Variants in HAO1 observed in about 807,000 individuals in gnomAD.
HAO1 encodes the protein hydroxyacid oxidase 1.
A neutral mutation model predicts 39.7 loss-of-function variants in HAO1; 34 were observed. The ratio of observed to expected loss-of-function variants is 0.86; its 90% CI spans 0.65 to 1.14. The LOEUF is 1.14. Ranked by LOEUF, HAO1 falls within the 50% of genes most tolerant of loss-of-function variation. HAO1 has a pLI of 0.00. For synonymous variants in HAO1, 172 were observed against 173.2 expected (o/e 0.99, Z 0.05); for missense variants, 479 against 464.5 (o/e 1.03, Z -0.29).
chr20:7,912,848 C>G (rs6117998), intron 3 of HAO1, among the ~76,000 whole-genome samples: 1 of 152,134 alleles, frequency 6.6e-6, no homozygotes, highest in African/African-American at 2.4e-5. Context: ...AAATGATATC[C>G]TAAACCAGCC....
At chr20:7,904,817 G>T (rs1328287046) in intron 4 of HAO1, among the ~76,000 whole-genome samples, 1 of 152,158 alleles carries the variant, frequency 6.6e-6, no homozygotes, top group Non-Finnish European at 1.5e-5. Flanking sequence ...TAAATGAATG[G>T]CACAGAACCT....
intron 4 of HAO1, among the ~76,000 whole-genome samples, chr20:7,899,831 T>TC (rs1434311339): frequency 6.6e-6 from 1 of 152,210 alleles, no homozygotes; most frequent in African/African-American, 2.4e-5. Context: ...TTTTATTAAT[T>TC]CTTAGAGTTT....
intron 2 of HAO1, among the ~76,000 whole-genome samples, chr20:7,932,369 C>A (rs1388707438): frequency 6.6e-6 from 1 of 152,198 alleles, no homozygotes; most frequent in Admixed American, 6.5e-5. Context: ...GTGAGCTCTG[C>A]TTTTTGCTTT....
Position 7,885,701 on chromosome 20 carries a change from G to T in HAO1, c.972+5C>A. 1 of 1,609,490 alleles carries T rather than the reference G, an allele frequency of 6.2e-7. No homozygotes were observed. The highest frequency in any genetic ancestry group is 8.5e-7 in the Non-Finnish European group (1 of 1,176,706). On this transcript the variant is annotated splice_donor_5th_base_variant and intron_variant, in intron 6 of 7. Coordinates refer to ENST00000378789, the MANE Select transcript of HAO1 (RefSeq NM_017545.3). The stretch of plus-strand genomic sequence containing the variant: ...TTTTATATATTCATTTCTTTGTCCA[G>T]TTACCTGGAAAGCTAAGCCCCAAAC...
intron 4 of HAO1, among the ~76,000 whole-genome samples, chr20:7,903,124 G>A (rs775790786): frequency 3.9e-5 from 6 of 152,292 alleles, no homozygotes; most frequent in South Asian, 4.1e-4. Context: ...GCTCCCTTCC[G>A]ATCCAGATTG....
At chr20:7,909,048 C>A (rs1187024903) in intron 3 of HAO1, among the ~76,000 whole-genome samples, 1 of 152,000 alleles carries the variant, frequency 6.6e-6, no homozygotes, top group African/African-American at 2.4e-5. Flanking sequence ...ACCCCCATCC[C>A]AAACAAGCTC....
chr20:7,924,792 G>T (rs1285097175), intron 2 of HAO1, among the ~76,000 whole-genome samples: 1 of 152,152 alleles, frequency 6.6e-6, no homozygotes, highest in East Asian at 1.9e-4. Context: ...AGGGCCTAAA[G>T]TGTTGGGGTT....
In HAO1 at chr20:7,925,181, G is replaced by A. The variant is rs533369964; in HGVS notation, c.289+9303C>T. Among the ~76,000 whole-genome samples, 94 of 152,242 alleles carry A rather than the reference G, an allele frequency of 6.2e-4. 1 individual carries two copies. The highest frequency in any genetic ancestry group is 2.1e-3 in the African/African-American group (87 of 41,570). On this transcript the variant is annotated intron_variant, in intron 2 of 7. Coordinates refer to ENST00000378789, the MANE Select transcript of HAO1 (RefSeq NM_017545.3). Reference sequence around the variant, plus strand: ...AAGTTCTGAAGTCAGTGATCTAAAAGAACAAACCTTCAACTACAATTATGC... The same window carrying A: ...AAGTTCTGAAGTCAGTGATCTAAAAAAACAAACCTTCAACTACAATTATGC...
intron 3 of HAO1, among the ~76,000 whole-genome samples, chr20:7,907,154 TC>T (rs1179494819): frequency 6.6e-6 from 1 of 152,040 alleles, no homozygotes; most frequent in Non-Finnish European, 1.5e-5. Flanking sequence ...TGCCTTTCCC[TC>T]CCCCTTTTAG....
intron 4 of HAO1, among the ~76,000 whole-genome samples, chr20:7,904,844 T>C (rs1038127317): frequency 2.0e-5 from 3 of 152,210 alleles, no homozygotes; most frequent in African/African-American, 7.2e-5. Context: ...TAATATTATT[T>C]AGTCCCCACA....
intron 5 of HAO1, among the ~76,000 whole-genome samples, chr20:7,894,717 G>T (rs1236010457): frequency 6.6e-6 from 1 of 152,082 alleles, no homozygotes. Flanking sequence ...CTGATTTCTT[G>T]TCTCAATTGT....
intron 1 of HAO1, among the ~76,000 whole-genome samples, chr20:7,938,875 G>C (rs1227931692): frequency 6.6e-6 from 1 of 152,010 alleles, no homozygotes; most frequent in East Asian, 1.9e-4. Context: ...TGCGACAAAG[G>C]GAATTAAGAA....
chr20:7,883,049 T>C lies in HAO1; in HGVS notation c.*544A>G, dbSNP rs2050134347. ...ATACATCCTAAAACATTTGGATATA[T>C]TCAGACACTAAAGATGTGATTGGAA... On this transcript the variant is annotated 3_prime_UTR_variant, in exon 8 of 8. Coordinates refer to ENST00000378789, the MANE Select transcript of HAO1 (RefSeq NM_017545.3). 1 of 155,062 alleles carries C rather than the reference T, an allele frequency of 6.4e-6. No homozygotes were observed. Among genetic ancestry groups the C allele is most frequent in the South Asian group, 2.0e-4 (1 of 5,058 alleles). 9.6% of individuals were successfully genotyped at this position (155,062 alleles called of 1,614,324 possible). A position where few individuals can be genotyped will look rare whatever the true frequency, so the allele number is the denominator to read the frequency against.
chr20:7,922,578 A>C (rs1049763181), intron 2 of HAO1, among the ~76,000 whole-genome samples: 1 of 152,134 alleles, frequency 6.6e-6, no homozygotes, highest in East Asian at 1.9e-4. Flanking sequence ...CTAAGGAGAT[A>C]ATTTCTGCAT....
chr20:7,908,340 A>C lies in HAO1; in HGVS notation c.546-2011T>G, dbSNP rs868049836. ...CCGGGAGGCGAGGTTGCAGTGAGCA[A>C]CTCCAGCCACTGCACTCCAGCCTGG... On this transcript the variant is annotated intron_variant, in intron 3 of 7. Transcript: ENST00000378789. 2.3e-3 allele frequency among the ~76,000 whole-genome samples: 346 copies of C among 151,304 alleles called. 4 individuals are homozygous for C. The highest frequency in any genetic ancestry group is 0.014 in the Middle Eastern group (4 of 288).
chr20:7,888,876 C>T (rs1412171730), intron 5 of HAO1, among the ~76,000 whole-genome samples: 1 of 152,186 alleles, frequency 6.6e-6, no homozygotes, highest in Non-Finnish European at 1.5e-5. Context: ...CATGCTTCCA[C>T]TCACTCTCTA....
chr20:7,939,040 T>C (rs2050427355), intron 1 of HAO1, among the ~76,000 whole-genome samples: 1 of 152,208 alleles, frequency 6.6e-6, no homozygotes, highest in African/African-American at 2.4e-5. Context: ...AGACCACTCA[T>C]AGGCAAATTT....
chr20:7,907,959 T>G (rs1339373556), intron 3 of HAO1, among the ~76,000 whole-genome samples: 1 of 152,190 alleles, frequency 6.6e-6, no homozygotes, highest in East Asian at 1.9e-4. Context: ...ATACTATTAA[T>G]TCCCCTGCCA....
At chr20:7,918,651 C>A (rs1164918546) in intron 2 of HAO1, among the ~76,000 whole-genome samples, 1 of 152,162 alleles carries the variant, frequency 6.6e-6, no homozygotes, top group Non-Finnish European at 1.5e-5. Flanking sequence ...CGCTAGAGAC[C>A]AGCAGCTGAG....
Sources: allele counts gnomAD v4.1 joint callset (sites outside exome capture counted in the v4.1 genomes callset), GRCh38; gene constraint gnomAD v4.1.1; transcripts MANE v1.5; gene names NCBI Gene and HGNC (gene_info 2026-07-23, HGNC 2026-07-21).